LRRC1: variants seen among roughly 807,000 people sequenced by gnomAD.
The protein encoded by LRRC1 is leucine rich repeat containing 1, also known as leucine-rich repeat-containing protein 1.
A neutral mutation model predicts 69.9 loss-of-function variants in LRRC1; 28 were observed. The observed-to-expected ratio is 0.40, with a 90% CI of 0.30 to 0.55. LRRC1 has a LOEUF of 0.55. Among genes scored for constraint, LRRC1 ranks in the 20% least tolerant of loss-of-function variants. LRRC1 has a pLI of 0.47. For missense variants in LRRC1, 498 were observed against 609.0 expected (o/e 0.82, Z 1.92); for synonymous variants, 236 against 240.2 (o/e 0.98, Z 0.16).
intron 1 of LRRC1, among the ~76,000 whole-genome samples, chr6:53,831,359 A>G (rs577163976): frequency 6.6e-6 from 1 of 152,220 alleles, no homozygotes; most frequent in East Asian, 1.9e-4. Context: ...TATTTGGGTT[A>G]TTTGTTCTCT....
chr6:53,902,621 T>A lies in LRRC1; in HGVS notation c.788-8T>A, dbSNP rs199611520. Reference sequence around the variant, plus strand: ...AATTTGATAATAATAATCATAATGCTTTTACAGGAAAACTAAAGAAACTGT... The same window carrying A: ...AATTTGATAATAATAATCATAATGCATTTACAGGAAAACTAAAGAAACTGT... On this transcript the variant is annotated splice_polypyrimidine_tract_variant and splice_region_variant and intron_variant, in intron 8 of 13. Coordinates refer to ENST00000370888, the MANE Select transcript of LRRC1 (RefSeq NM_018214.5). 1.1e-5 allele frequency: 16 copies of A among 1,519,294 alleles called. No individual in the cohort carries two copies. Among genetic ancestry groups the A allele is most frequent in the African/African-American group, 9.7e-5 (7 of 72,408 alleles). 94.1% of individuals were successfully genotyped at this position (1,519,294 alleles called of 1,614,324 possible).
chr6:53,819,545 T>C (rs974516818), intron 1 of LRRC1, among the ~76,000 whole-genome samples: 1 of 152,076 alleles, frequency 6.6e-6, no homozygotes, highest in African/African-American at 2.4e-5. Context: ...TGCTTGGACA[T>C]CTGTAAAGGA....
At chr6:53,812,712 A>AAAAAAAG (rs56163538) in intron 1 of LRRC1, among the ~76,000 whole-genome samples, 4 of 139,860 alleles carry the variant, frequency 2.9e-5, no homozygotes, top group African/African-American at 5.4e-5. Context: ...AAAAAAAAAA[A>AAAAAAAG]AATTTGAAGA....
At chr6:53,832,635 A>G (rs1181992602) in intron 1 of LRRC1, among the ~76,000 whole-genome samples, 1 of 152,206 alleles carries the variant, frequency 6.6e-6, no homozygotes, top group Non-Finnish European at 1.5e-5. Context: ...AACAGATTAT[A>G]TCCCCCTCTT....
intron 3 of LRRC1, among the ~76,000 whole-genome samples, chr6:53,879,644 A>T (rs1767206135): frequency 6.6e-6 from 1 of 152,150 alleles, no homozygotes; most frequent in African/African-American, 2.4e-5. Flanking sequence ...CAAACAAAAA[A>T]ACCCAAAAAA....
intron 9 of LRRC1, 126 bp downstream of exon 9, chr6:53,902,873 C>CATG: frequency 1.6e-6 from 1 of 623,692 alleles, no homozygotes; most frequent in African/African-American, 1.8e-5. Flanking sequence ...AAAGCAAATG[C>CATG]ATGACCTAAA....
At chr6:53,800,800 C>T (rs1021567434) in intron 1 of LRRC1, among the ~76,000 whole-genome samples, 12 of 151,664 alleles carry the variant, frequency 7.9e-5, no homozygotes, top group African/African-American at 1.9e-4. Flanking sequence ...CCACCACGCC[C>T]GGCTAATTTT....
At chr6:53,852,328 A>C (rs1249419426) in intron 2 of LRRC1, among the ~76,000 whole-genome samples, 1 of 152,214 alleles carries the variant, frequency 6.6e-6, no homozygotes, top group Non-Finnish European at 1.5e-5. Context: ...TGAAAATCTG[A>C]ACTAAGCTGC....
chr6:53,877,139 A>G (rs530984629), intron 2 of LRRC1, among the ~76,000 whole-genome samples: 1 of 152,360 alleles, frequency 6.6e-6, no homozygotes, highest in South Asian at 2.1e-4. Flanking sequence ...GCTCAACACT[A>G]TGTGGAAGCT....
chr6:53,920,112 T>C (rs1052078536), intron 12 of LRRC1, among the ~76,000 whole-genome samples: 3 of 152,240 alleles, frequency 2.0e-5, no homozygotes, highest in Admixed American at 2.0e-4. Flanking sequence ...AATGCTATTA[T>C]AAACCCTTTG....
intron 12 of LRRC1, among the ~76,000 whole-genome samples, chr6:53,920,377 G>C (rs1345397374): frequency 6.6e-6 from 1 of 152,152 alleles, no homozygotes; most frequent in African/African-American, 2.4e-5. Flanking sequence ...TATTTTATAT[G>C]ATCTCAAATA....
chr6:53,801,566 C>CTAATTGTG (rs370344488), intron 1 of LRRC1, among the ~76,000 whole-genome samples: 2,265 of 152,274 alleles, frequency 0.015, 67 homozygotes, highest in African/African-American at 0.052. Flanking sequence ...CTCAGATACC[C>CTAATTGTG]TGTTACTATC....
At chr6:53,898,049 G>T (rs1041262185) in intron 7 of LRRC1, among the ~76,000 whole-genome samples, 2 of 152,082 alleles carry the variant, frequency 1.3e-5, no homozygotes, top group Non-Finnish European at 2.9e-5. Flanking sequence ...TTTATTCTTT[G>T]ATGTCTCTCA....
chr6:53,870,515 A>AT (rs1256020189), intron 2 of LRRC1, among the ~76,000 whole-genome samples: 1 of 152,074 alleles, frequency 6.6e-6, no homozygotes, highest in Non-Finnish European at 1.5e-5. Flanking sequence ...TTTATCTTTA[A>AT]TGGACACATA....
At chr6:53,917,866 C>G (rs1459005281) in intron 11 of LRRC1, among the ~76,000 whole-genome samples, 4 of 152,216 alleles carry the variant, frequency 2.6e-5, no homozygotes, top group African/African-American at 7.2e-5. Context: ...TAAGAAAATC[C>G]TTGTCACAGT....
rs146866350 is a variant in LRRC1 at position 53,836,805 on chromosome 6, C to A, written c.160-5305C>A. On this transcript the variant is annotated intron_variant, in intron 1 of 13. Transcript: ENST00000370888. ...TTGTATCAAATTACATATTCTGCTT[C>A]CATTGAATGCTTTTCCTGATCATAA... is the stretch of plus-strand genomic sequence containing the variant. 3.3e-3 allele frequency among the ~76,000 whole-genome samples: 503 copies of A among 152,238 alleles called. 2 individuals are homozygous for A. The highest frequency in any genetic ancestry group is 0.012 in the African/African-American group (478 of 41,544).
intron 1 of LRRC1, among the ~76,000 whole-genome samples, chr6:53,799,922 A>T (rs1331630036): frequency 6.6e-6 from 1 of 152,096 alleles, no homozygotes; most frequent in Non-Finnish European, 1.5e-5. Context: ...ATTCTCTCTC[A>T]GTCCCTCACT....
chr6:53,804,057 A>C (rs912744745), intron 1 of LRRC1, among the ~76,000 whole-genome samples: 2 of 152,198 alleles, frequency 1.3e-5, no homozygotes, highest in African/African-American at 4.8e-5. Flanking sequence ...AAGATGCTGA[A>C]TAAATGCCTT....
chr6:53,870,206 G>T (rs1366759782), intron 2 of LRRC1, among the ~76,000 whole-genome samples: 1 of 151,940 alleles, frequency 6.6e-6, no homozygotes, highest in Non-Finnish European at 1.5e-5. Context: ...TTCCAGACCA[G>T]CTCGACCAGA....
Sources: allele counts gnomAD v4.1 joint callset (sites outside exome capture counted in the v4.1 genomes callset), GRCh38; gene constraint gnomAD v4.1.1; transcripts MANE v1.5; gene names NCBI Gene and HGNC (gene_info 2026-07-23, HGNC 2026-07-21).